SMOC2: variants seen among roughly 807,000 people sequenced by gnomAD.
SMOC2 encodes the protein SPARC-related modular calcium-binding protein 2.
Under a neutral mutation model 61.4 loss-of-function variants are expected in SMOC2, and 39 were observed. The observed-to-expected ratio is 0.64, with a 90% CI of 0.49 to 0.83. The LOEUF (loss-of-function observed/expected upper bound fraction) is 0.83. SMOC2 is among the 40% of genes least tolerant of loss of function. The pLI is 0.00. For missense variants in SMOC2, 556 were observed against 592.9 expected (o/e 0.94, Z 0.65); for synonymous variants, 247 against 239.9 (o/e 1.03, Z -0.27).
Position 168,509,956 on chromosome 6 carries a change from G to A in SMOC2, c.126G>A (p.Leu42=), listed in dbSNP as rs1782966320. 1 of 1,613,992 alleles carries A rather than the reference G, an allele frequency of 6.2e-7. No homozygotes were observed. Among genetic ancestry groups the A allele is most frequent in the East Asian group, 2.2e-5 (1 of 44,886 alleles). The change falls in exon 2 of 13, where the codon TTG becomes TTA. Residue 42 remains leucine, a synonymous_variant. Transcript: ENST00000356284. ...AAGATAAAGACAAGGATTGTAGCTTGGACTGTGCGGGTTCGCCCCAGAAAC... is the reference window on the plus strand; with the variant it reads ...AAGATAAAGACAAGGATTGTAGCTTAGACTGTGCGGGTTCGCCCCAGAAAC... ...VDQDKDKDCS[L]DCAGSPQKPL...
At chr6:168,584,736 C>A (rs972401456) in intron 7 of SMOC2, among the ~76,000 whole-genome samples, 1 of 152,134 alleles carries the variant, frequency 6.6e-6, no homozygotes, top group African/African-American at 2.4e-5. Flanking sequence ...CTTTTTCAGG[C>A]TTATGTAGAC....
intron 8 of SMOC2, among the ~76,000 whole-genome samples, chr6:168,603,476 A>C (rs1275655980): frequency 6.6e-6 from 1 of 151,968 alleles, no homozygotes; most frequent in Non-Finnish European, 1.5e-5. Flanking sequence ...ACAATCTCTC[A>C]ACAATCCTGA....
At chr6:168,500,476 G>A (rs932408583) in intron 1 of SMOC2, among the ~76,000 whole-genome samples, 1 of 152,066 alleles carries the variant, frequency 6.6e-6, no homozygotes, top group Admixed American at 6.5e-5. Context: ...GGAACCTGAC[G>A]GGGTCCCTCA....
At chr6:168,616,935 G>C (rs560054551) in intron 9 of SMOC2, among the ~76,000 whole-genome samples, 4 of 152,314 alleles carry the variant, frequency 2.6e-5, no homozygotes, top group South Asian at 4.1e-4. Context: ...GGGAGCCCAC[G>C]CAGGTGCAGG....
intron 9 of SMOC2, among the ~76,000 whole-genome samples, chr6:168,641,560 T>C (rs1049174949): frequency 1.3e-5 from 2 of 152,220 alleles, no homozygotes; most frequent in Non-Finnish European, 2.9e-5. Context: ...AGTTAACTTA[T>C]TAGCTGTGAT....
At chr6:168,463,555 T>A (rs752234676) in intron 1 of SMOC2, among the ~76,000 whole-genome samples, 1 of 152,102 alleles carries the variant, frequency 6.6e-6, no homozygotes, top group African/African-American at 2.4e-5. Context: ...TGGGGAGTGA[T>A]GTATCCCCAG....
chr6:168,501,473 C>A (rs1782727104), intron 1 of SMOC2, among the ~76,000 whole-genome samples: 1 of 151,774 alleles, frequency 6.6e-6, no homozygotes, highest in African/African-American at 2.4e-5. Context: ...CCTGCATCGT[C>A]CCTCCCTCGC....
chr6:168,497,311 C>T (rs959405394), intron 1 of SMOC2, among the ~76,000 whole-genome samples: 6 of 152,238 alleles, frequency 3.9e-5, no homozygotes, highest in South Asian at 2.1e-4. Flanking sequence ...TGAGCAGCTC[C>T]GTTTAGCCTC....
intron 1 of SMOC2, among the ~76,000 whole-genome samples, chr6:168,461,558 C>A (rs1341664666): frequency 9.2e-5 from 14 of 152,140 alleles, no homozygotes; most frequent in Admixed American, 9.2e-4. Flanking sequence ...CATTTGACTT[C>A]ATGTTGATTT....
chr6:168,592,168 A>G (rs917573852), intron 7 of SMOC2, among the ~76,000 whole-genome samples: 3 of 151,814 alleles, frequency 2.0e-5, no homozygotes, highest in Non-Finnish European at 4.4e-5. Context: ...CTCCTTCCCT[A>G]TTTCCCTAGT....
chr6:168,663,946 T>A (rs1787586601), intron 11 of SMOC2, 128 bp from the exon 12 acceptor site: 1 of 731,032 alleles, frequency 1.4e-6, no homozygotes, highest in Non-Finnish European at 2.2e-6. Flanking sequence ...GTTTTTTTCA[T>A]ATAAATGAGT....
At chr6:168,599,508 T>TCA (rs140540390) in intron 8 of SMOC2, among the ~76,000 whole-genome samples, 29,559 of 53,988 alleles carry the variant, frequency 0.55, 6,289 homozygotes, top group Middle Eastern at 0.61. Flanking sequence ...CCACTGACAC[T>TCA]CACACACACA....
chr6:168,528,579 C>G (rs976457491), intron 4 of SMOC2, among the ~76,000 whole-genome samples: 1 of 152,086 alleles, frequency 6.6e-6, no homozygotes, highest in Non-Finnish European at 1.5e-5. Context: ...ATCTGGAATT[C>G]TGTTTATTAT....
In SMOC2 at chr6:168,580,173, G is replaced by T. The variant is rs1250783264; in HGVS notation, c.638-18645G>T. Among the ~76,000 whole-genome samples the T allele has an allele frequency of 2.6e-5, 4 of 152,218 alleles. No individual in the cohort carries two copies. The East Asian group carries it at 7.7e-4, about 29-fold the overall frequency. On this transcript the variant is annotated intron_variant, in intron 7 of 12. Transcript: ENST00000356284. ...ACTTACAGGTCTATGGTTACTTTAT[G>T]TCTGAGTTTGTTGCTATGGGAAATA... is the stretch of plus-strand genomic sequence containing the variant.
intron 9 of SMOC2, among the ~76,000 whole-genome samples, chr6:168,631,911 A>T (rs1349963196): frequency 6.6e-6 from 1 of 152,166 alleles, no homozygotes; most frequent in Admixed American, 6.5e-5. Context: ...TCAGCCTTCC[A>T]GACCAGGCTC....
Position 168,566,131 on chromosome 6 carries a change from C to T in SMOC2, c.637+16928C>T, listed in dbSNP as rs140716298. Among the ~76,000 whole-genome samples the T allele has an allele frequency of 2.5e-4, 38 of 152,190 alleles. 1 individual carries two copies. Among genetic ancestry groups the T allele is most frequent in the African/African-American group, 8.7e-4 (36 of 41,504 alleles). ...CGTCTTTTACGAAGCTATGGCAATGCGTCTACCACCTTGGCCGGCAGGGAG... is the reference window on the plus strand; with the variant it reads ...CGTCTTTTACGAAGCTATGGCAATGTGTCTACCACCTTGGCCGGCAGGGAG... On this transcript the variant is annotated intron_variant, in intron 7 of 12. Transcript: ENST00000356284.
intron 4 of SMOC2, among the ~76,000 whole-genome samples, chr6:168,528,477 C>G (rs1271465160): frequency 6.6e-6 from 1 of 152,188 alleles, no homozygotes; most frequent in Non-Finnish European, 1.5e-5. Flanking sequence ...TACAAAATGT[C>G]TCTCCCTGTT....
intron 7 of SMOC2, among the ~76,000 whole-genome samples, chr6:168,560,824 C>T (rs865808827): frequency 5.4e-4 from 23 of 42,400 alleles, no homozygotes; most frequent in Admixed American, 9.4e-4. Context: ...ACACGAGGCT[C>T]TCACTGCATT....
chr6:168,453,733 GTCTATC>G lies in SMOC2; in HGVS notation c.84+12283_84+12288del, dbSNP rs1184823974. On this transcript the variant is annotated intron_variant, in intron 1 of 12. Coordinates refer to ENST00000356284, the MANE Select transcript of SMOC2 (RefSeq NM_001166412.2). The surrounding 1 kb of genome is among the most constrained non-coding windows in gnomAD (Gnocchi z 4.4). Reference sequence around the variant, plus strand: ...CTGCCATTCTACATACTACATCTCTGTCTATCTCTGTCTCTCTGTCTCCCTCTTTCT... The same window carrying G: ...CTGCCATTCTACATACTACATCTCTGTCTGTCTCTCTGTCTCCCTCTTTCT... Among the ~76,000 whole-genome samples the G allele has an allele frequency of 6.6e-6, 1 of 151,108 alleles. No individual in the cohort carries two copies. Among genetic ancestry groups the G allele is most frequent in the African/African-American group, 2.4e-5 (1 of 41,016 alleles).
Sources: gnomAD v4.1 joint callset for allele counts (sites outside exome capture counted in the v4.1 genomes callset) on GRCh38, gnomAD v4.1.1 for gene constraint, Gnocchi (gnomAD v3.1) non-coding constraint, MANE v1.5 for transcripts, NCBI Gene and HGNC (gene_info 2026-07-23, HGNC 2026-07-21) for gene names.